The following PRRG1 variants were observed in gnomAD, a reference collection of about 807,000 sequenced individuals.
PRRG1 encodes transmembrane gamma-carboxyglutamic acid protein 1.
Under a neutral mutation model 11.8 loss-of-function variants are expected in PRRG1, and 5 were observed. The observed-to-expected ratio is 0.42, with a 90% CI of 0.22 to 0.89. PRRG1 has a LOEUF of 0.89. PRRG1 is among the 40% of genes least tolerant of loss of function. PRRG1 has a pLI of 0.28. For missense variants in PRRG1, 155 were observed against 166.1 expected (o/e 0.93, Z 0.37); for synonymous variants, 66 against 60.4 (o/e 1.09, Z -0.43).
chrX:37,412,800 G>T (rs1394686472), intron 2 of PRRG1, among the ~76,000 whole-genome samples: 3 of 110,688 alleles, frequency 2.7e-5, no homozygotes, highest in Non-Finnish European at 5.7e-5. Context: ...ACTTATTAAA[G>T]AAGAAAATAA....
At chrX:37,376,375 AC>A (rs1396872786) in intron 1 of PRRG1, among the ~76,000 whole-genome samples, 1 of 102,095 alleles carries the variant, frequency 9.8e-6, no homozygotes, top group Non-Finnish European at 2.0e-5. Context: ...TGTTATTTTC[AC>A]CCAAAAAGTA....
chrX:37,399,164 C>CAA (rs1393577576), intron 1 of PRRG1, among the ~76,000 whole-genome samples: 1 of 110,669 alleles, frequency 9.0e-6, no homozygotes, highest in African/African-American at 3.3e-5. Context: ...AGAGCAACTC[C>CAA]AAGACACATA....
intron 3 of PRRG1, among the ~76,000 whole-genome samples, chrX:37,445,591 C>G: frequency 8.9e-6 from 1 of 112,851 alleles, no homozygotes; most frequent in Non-Finnish European, 1.9e-5. Context: ...ACACCAAAAA[C>G]TTACTGTAAC....
intron 3 of PRRG1, among the ~76,000 whole-genome samples, chrX:37,444,923 G>A (rs1455472238): frequency 9.0e-6 from 1 of 111,096 alleles, no homozygotes; most frequent in Non-Finnish European, 1.9e-5. Context: ...CACTGTGCTT[G>A]TTCTTCCCAA....
chrX:37,361,595 A>G (rs1930418049), intron 1 of PRRG1, among the ~76,000 whole-genome samples: 1 of 111,670 alleles, frequency 9.0e-6, no homozygotes, highest in African/African-American at 3.3e-5. Flanking sequence ...TTATATTTTA[A>G]TCTTTGAGTT....
intron 3 of PRRG1, among the ~76,000 whole-genome samples, chrX:37,435,456 T>TA (rs1556391713): frequency 9.1e-6 from 1 of 110,043 alleles, no homozygotes; most frequent in African/African-American, 3.3e-5. Context: ...GGCTTGAACT[T>TA]AAAGACTAGC....
intron 2 of PRRG1, among the ~76,000 whole-genome samples, chrX:37,424,220 C>G (rs1490822695): frequency 9.0e-6 from 1 of 111,662 alleles, no homozygotes; most frequent in Non-Finnish European, 1.9e-5. Context: ...TTTGTTAACC[C>G]TAGCATTCCA....
chrX:37,386,159 A>G (rs1556375187), intron 1 of PRRG1, among the ~76,000 whole-genome samples: 1 of 112,232 alleles, frequency 8.9e-6, no homozygotes. Context: ...AACATTTTAT[A>G]TATGTATAAT....
At chrX:37,425,031 G>A (rs1556388046) in intron 2 of PRRG1, among the ~76,000 whole-genome samples, 1 of 110,804 alleles carries the variant, frequency 9.0e-6, no homozygotes, top group Non-Finnish European at 1.9e-5. Flanking sequence ...TCTCCAAACA[G>A]GCAACATTCT....
At chrX:37,444,879 C>T (rs1933046735) in intron 3 of PRRG1, among the ~76,000 whole-genome samples, 1 of 111,196 alleles carries the variant, frequency 9.0e-6, no homozygotes, top group Admixed American at 9.6e-5. Flanking sequence ...CCAATTCTAT[C>T]TCAACCAGCT....
At chrX:37,423,812 A>G (rs1459663319) in intron 2 of PRRG1, among the ~76,000 whole-genome samples, 1 of 111,569 alleles carries the variant, frequency 9.0e-6, no homozygotes, top group Non-Finnish European at 1.9e-5. Context: ...TCAATCCTGT[A>G]AGCTCCATTT....
chrX:37,386,302 A>G (rs1931325573), intron 1 of PRRG1, among the ~76,000 whole-genome samples: 1 of 111,667 alleles, frequency 9.0e-6, no homozygotes, highest in Admixed American at 9.5e-5. Context: ...GATCTATTTT[A>G]TCCTTTTTCA....
At chrX:37,372,738 T>C in intron 1 of PRRG1, among the ~76,000 whole-genome samples, 1 of 113,063 alleles carries the variant, frequency 8.8e-6, no homozygotes, top group South Asian at 3.6e-4. Flanking sequence ...TCCCATCCCA[T>C]GGGTTATCTC....
intron 1 of PRRG1, among the ~76,000 whole-genome samples, chrX:37,399,587 C>A (rs1366193785): frequency 6.0e-5 from 6 of 100,529 alleles, no homozygotes; most frequent in Admixed American, 1.1e-4. Flanking sequence ...CGAGCAAAAT[C>A]ACCAGCTAAC....
intron 1 of PRRG1, among the ~76,000 whole-genome samples, chrX:37,402,748 A>C (rs1358423081): frequency 9.0e-6 from 1 of 111,697 alleles, no homozygotes; most frequent in Non-Finnish European, 1.9e-5. Flanking sequence ...ACAAAGGGCT[A>C]ATATCCAGAA....
At chrX:37,409,416 G>A (rs1932294404) in intron 2 of PRRG1, among the ~76,000 whole-genome samples, 1 of 111,947 alleles carries the variant, frequency 8.9e-6, no homozygotes, top group Non-Finnish European at 1.9e-5. Flanking sequence ...AGAGTCAACT[G>A]TAGTTCTTGC....
At chrX:37,374,538 A>G (rs180907061) in intron 1 of PRRG1, among the ~76,000 whole-genome samples, 223 of 111,437 alleles carry the variant, frequency 2.0e-3, no homozygotes, top group Middle Eastern at 4.6e-3. Flanking sequence ...AAATTCGCTT[A>G]TGTATGACTG....
intron 1 of PRRG1, among the ~76,000 whole-genome samples, chrX:37,353,375 G>A (rs1930133273): frequency 8.9e-6 from 1 of 112,488 alleles, no homozygotes; most frequent in Non-Finnish European, 1.9e-5. Context: ...GAGTCAAAAA[G>A]TTTAAAATAT....
intron 1 of PRRG1, among the ~76,000 whole-genome samples, chrX:37,356,314 G>C (rs1414517362): frequency 1.8e-5 from 2 of 111,266 alleles, no homozygotes; most frequent in African/African-American, 3.3e-5. Flanking sequence ...GAGGTAATCA[G>C]GGAAGACTTC....
Sources: allele counts gnomAD v4.1 joint callset (sites outside exome capture counted in the v4.1 genomes callset), GRCh38; gene constraint gnomAD v4.1.1; transcripts MANE v1.5; gene names NCBI Gene and HGNC (gene_info 2026-07-23, HGNC 2026-07-21).